PDE10A: variants seen among roughly 807,000 people sequenced by gnomAD.
The protein encoded by PDE10A is phosphodiesterase 10A.
A neutral mutation model predicts 97.7 loss-of-function variants in PDE10A; 39 were observed. The ratio of observed to expected loss-of-function variants is 0.40; its 90% confidence interval spans 0.31 to 0.52. The LOEUF (loss-of-function observed/expected upper bound fraction) is 0.52, where lower values mean the gene tolerates loss of function less well. Among genes scored for constraint, PDE10A ranks in the 20% least tolerant of loss-of-function variants. PDE10A has a pLI of 0.56. For synonymous variants in PDE10A, 371 were observed against 376.8 expected (o/e 0.98, Z 0.18); for missense variants, 731 against 1,047.8 (o/e 0.70, Z 4.17).
At chr6:165,592,532 A>G (rs1191462191) in intron 1 of PDE10A, among the ~76,000 whole-genome samples, 2 of 152,232 alleles carry the variant, frequency 1.3e-5, no homozygotes, top group South Asian at 2.1e-4. Context: ...GAATGGGAGA[A>G]AAGTTTTGCA....
At chr6:165,869,547 T>C (rs1781143336) in intron 1 of PDE10A, among the ~76,000 whole-genome samples, 1 of 151,696 alleles carries the variant, frequency 6.6e-6, no homozygotes, top group African/African-American at 2.4e-5. Flanking sequence ...ATTTGATGCG[T>C]CCCCTATCAA....
rs1781391071 is a variant in PDE10A, at chr6:165,332,436, C to T, written c.*589G>A. ...GTTTAGTCTAACTAAATTCATGAAG[C>T]TCTGAAATAAGAGTTTGACGTTTTG... On this transcript the variant is annotated 3_prime_UTR_variant, in exon 22 of 22. Transcript: ENST00000539869. 6.6e-6 allele frequency: 1 copy of T among 152,180 alleles called. No individual in the cohort carries two copies. Among genetic ancestry groups the T allele is most frequent in the African/African-American group, 2.4e-5 (1 of 41,448 alleles). 9.4% of individuals were successfully genotyped at this position (152,180 alleles called of 1,614,324 possible).
At chr6:165,514,620 C>G (rs1781686193) in intron 2 of PDE10A, among the ~76,000 whole-genome samples, 1 of 152,182 alleles carries the variant, frequency 6.6e-6, no homozygotes, top group Admixed American at 6.5e-5. Context: ...GCTAGTAGAG[C>G]CTGGCCGGCC....
At chr6:165,869,859 T>A (rs1781152759) in intron 1 of PDE10A, among the ~76,000 whole-genome samples, 1 of 152,090 alleles carries the variant, frequency 6.6e-6, no homozygotes, top group South Asian at 2.1e-4. Context: ...GACACATTCT[T>A]CAATTTATGA....
At chr6:165,441,368 T>C (rs1006519018) in intron 5 of PDE10A, among the ~76,000 whole-genome samples, 2 of 152,204 alleles carry the variant, frequency 1.3e-5, no homozygotes, top group Admixed American at 1.3e-4. Flanking sequence ...AATAATTTTG[T>C]TTTTGTATGC....
chr6:165,665,736 C>G (rs2128434508), upstream of PDE10A, among the ~76,000 whole-genome samples: 1 of 151,764 alleles, frequency 6.6e-6, no homozygotes, highest in South Asian at 2.1e-4. Flanking sequence ...GTAGTTAACA[C>G]CAGGTGCCAA....
At chr6:165,697,051 C>A (rs1027663163) in intron 1 of PDE10A, among the ~76,000 whole-genome samples, 2 of 152,014 alleles carry the variant, frequency 1.3e-5, no homozygotes, top group African/African-American at 4.8e-5. Flanking sequence ...AAGAGAGGTG[C>A]CATTAAACAT....
chr6:165,368,355 A>G (rs994435117), intron 18 of PDE10A, among the ~76,000 whole-genome samples: 1 of 152,184 alleles, frequency 6.6e-6, no homozygotes, highest in East Asian at 1.9e-4. Flanking sequence ...TTAGCAACCT[A>G]TGTGGGGTGT....
chr6:165,800,983 T>A (rs955093226), intron 1 of PDE10A, among the ~76,000 whole-genome samples: 3 of 152,168 alleles, frequency 2.0e-5, no homozygotes, highest in Admixed American at 6.5e-5. Context: ...GAGCTAGAGG[T>A]CCCACCCCAG....
chr6:165,790,800 G>A (rs9365921), intron 1 of PDE10A, among the ~76,000 whole-genome samples: 73,855 of 151,890 alleles, frequency 0.49, 18,952 homozygotes, highest in Middle Eastern at 0.58. Flanking sequence ...GTCCTGTGAT[G>A]TGTCTTGCAC....
intron 1 of PDE10A, among the ~76,000 whole-genome samples, chr6:165,792,445 C>T (rs918888473): frequency 4.3e-4 from 65 of 152,294 alleles, no homozygotes; most frequent in African/African-American, 1.2e-3. Flanking sequence ...CTAGTCACCT[C>T]GGGTCTCACC....
At chr6:165,897,363 G>C (rs1346163420) in intron 1 of PDE10A, among the ~76,000 whole-genome samples, 3 of 151,972 alleles carry the variant, frequency 2.0e-5, no homozygotes, top group African/African-American at 7.3e-5. Flanking sequence ...CAGGGAAAAA[G>C]AATTGGGGAA....
intron 1 of PDE10A, among the ~76,000 whole-genome samples, chr6:165,907,601 C>A (rs1782329791): frequency 6.6e-6 from 1 of 152,228 alleles, no homozygotes; most frequent in African/African-American, 2.4e-5. Flanking sequence ...TGCTCCTCAG[C>A]CAGGTGTCAG....
intron 1 of PDE10A, among the ~76,000 whole-genome samples, chr6:165,544,154 T>C (rs1187466115): frequency 6.6e-6 from 1 of 152,086 alleles, no homozygotes; most frequent in Non-Finnish European, 1.5e-5. Flanking sequence ...TGCTACAAAT[T>C]GTTTAATAAA....
At chr6:165,411,880 G>T (rs1342826583) in intron 13 of PDE10A, among the ~76,000 whole-genome samples, 1 of 152,026 alleles carries the variant, frequency 6.6e-6, no homozygotes, top group African/African-American at 2.4e-5. Flanking sequence ...CTTTATTTTT[G>T]CAACTTTTGC....
At chr6:165,445,599 T>C (rs772372090) in intron 5 of PDE10A, among the ~76,000 whole-genome samples, 1 of 152,314 alleles carries the variant, frequency 6.6e-6, no homozygotes, top group Non-Finnish European at 1.5e-5. Context: ...GCAAAGAGGC[T>C]GCAAGGAAAC....
At chr6:165,973,372 C>G (rs985410615) in intron 1 of PDE10A, among the ~76,000 whole-genome samples, 3 of 150,696 alleles carry the variant, frequency 2.0e-5, no homozygotes, top group African/African-American at 7.3e-5. Flanking sequence ...AAGACCGCAT[C>G]ATTGCACTCC....
chr6:165,970,291 G>C (rs1431743063), intron 1 of PDE10A, among the ~76,000 whole-genome samples: 1 of 152,198 alleles, frequency 6.6e-6, no homozygotes. Context: ...GATGTTATTA[G>C]AACAACTGAC....
At chr6:165,557,071 G>A (rs1014750328) in intron 1 of PDE10A, among the ~76,000 whole-genome samples, 6 of 152,184 alleles carry the variant, frequency 3.9e-5, no homozygotes, top group Admixed American at 6.5e-5. Flanking sequence ...CCCAGGAGAC[G>A]GAGGTTGCAG....
Sources: gnomAD v4.1 joint callset for allele counts (sites outside exome capture counted in the v4.1 genomes callset) on GRCh38, gnomAD v4.1.1 for gene constraint, MANE v1.5 for transcripts, NCBI Gene and HGNC (gene_info 2026-07-23, HGNC 2026-07-21) for gene names.